Variants in FDFT1 observed in about 807,000 individuals in gnomAD.
FDFT1 encodes the protein squalene synthase.
A neutral mutation model predicts 46.8 loss-of-function variants in FDFT1; 68 were observed. The observed-to-expected ratio is 1.45, with a 90% confidence interval of 1.19 to 1.78. The LOEUF (loss-of-function observed/expected upper bound fraction) is 1.78, where lower values mean the gene tolerates loss of function less well. FDFT1 is among the 40% of genes most tolerant of loss of function. The pLI is 0.00. For synonymous variants in FDFT1, 351 were observed against 185.1 expected (o/e 1.90, Z -7.28); for missense variants, 928 against 524.4 (o/e 1.77, Z -7.52).
upstream of FDFT1, among the ~76,000 whole-genome samples, chr8:11,799,183 C>T (rs978213437): frequency 2.4e-4 from 36 of 152,188 alleles, 1 homozygote; most frequent in African/African-American, 2.7e-4. Context: ...GACAGGAAGG[C>T]GCCTTGAGTG....
intron 6 of FDFT1, among the ~76,000 whole-genome samples, chr8:11,831,088 C>T (rs1448999750): frequency 1.3e-5 from 2 of 152,092 alleles, no homozygotes; most frequent in Non-Finnish European, 2.9e-5. Context: ...GTTGTTCTCC[C>T]CCTGGCATTG....
intron 1 of FDFT1, 56 bp from the exon 2 acceptor site, chr8:11,808,721 CTCCCACTCCCACTCCCA>C: frequency 6.8e-7 from 1 of 1,464,170 alleles, no homozygotes; most frequent in African/African-American, 1.6e-5. Flanking sequence ...CCCACTCCCA[CTCCCACTCCCACTCCCA>C]CTCCCACTCC....
intron 1 of FDFT1, among the ~76,000 whole-genome samples, chr8:11,796,948 A>G (rs1297838922): frequency 6.6e-6 from 1 of 152,262 alleles, no homozygotes; most frequent in Non-Finnish European, 1.5e-5. Flanking sequence ...TGCTGAAAGC[A>G]GCTCAGGGCA....
At chr8:11,825,912 G>C in intron 4 of FDFT1, 112 bp from the exon 5 acceptor site, 1 of 556,238 alleles carries the variant, frequency 1.8e-6, no homozygotes, top group Non-Finnish European at 3.0e-6. Flanking sequence ...AAATCAAAAT[G>C]CATTCTTACC....
At chr8:11,833,380 T>TTA (rs1554528781) in intron 7 of FDFT1, among the ~76,000 whole-genome samples, 3 of 152,246 alleles carry the variant, frequency 2.0e-5, no homozygotes, top group Non-Finnish European at 4.4e-5. Flanking sequence ...TCAACTACCC[T>TTA]TTCTAAATGG....
At chr8:11,830,638 C>A (rs1051511506) in intron 6 of FDFT1, among the ~76,000 whole-genome samples, 1 of 152,180 alleles carries the variant, frequency 6.6e-6, no homozygotes. Flanking sequence ...AACCTTCTTT[C>A]TGGATTTACT....
intron 6 of FDFT1, among the ~76,000 whole-genome samples, chr8:11,831,120 T>C (rs1810719223): frequency 6.6e-6 from 1 of 152,236 alleles, no homozygotes; most frequent in South Asian, 2.1e-4. Context: ...ATAATGATTA[T>C]GTTTGTTGTA....
chr8:11,824,806 G>A (rs888590117), intron 4 of FDFT1, among the ~76,000 whole-genome samples: 3 of 152,064 alleles, frequency 2.0e-5, no homozygotes, highest in Non-Finnish European at 4.4e-5. Flanking sequence ...CGCGATCTCG[G>A]CTCCCTGCAA....
rs1563301260 is a variant in FDFT1, at chr8:11,808,749, T to TCCCACTCCC, written c.100-45_100-44insCCCACTCCC. ...CCACTCCCACTCCCACTCCCACTCCTGCTCCTCGACGTCTCCCACCGCCGT... is the reference window on the plus strand; with the variant it reads ...CCACTCCCACTCCCACTCCCACTCCTCCCACTCCCGCTCCTCGACGTCTCCCACCGCCGT... On this transcript the variant is annotated intron_variant, in intron 1 of 7. Coordinates refer to ENST00000220584, the MANE Select transcript of FDFT1 (RefSeq NM_004462.5). 54 of 1,552,858 alleles carry TCCCACTCCC rather than the reference T, an allele frequency of 3.5e-5. No individual in the cohort carries two copies. The East Asian group carries it at 7.1e-4, about 20-fold the overall frequency.
At chr8:11,820,433 T>A (rs933584083) in intron 3 of FDFT1, among the ~76,000 whole-genome samples, 1 of 152,182 alleles carries the variant, frequency 6.6e-6, no homozygotes, top group African/African-American at 2.4e-5. Flanking sequence ...TGCCTTTTGT[T>A]TAGATATGCC....
In FDFT1 at chr8:11,828,717, G is replaced by T. The variant is rs150486715; in HGVS notation, c.703-1527G>T. 1.2e-3 allele frequency among the ~76,000 whole-genome samples: 182 copies of T among 152,382 alleles called. 1 individual carries two copies. Among genetic ancestry groups the T allele is most frequent in the African/African-American group, 3.5e-3 (146 of 41,602 alleles). ...AAATGAGATGAACTTCTAGCATAGA[G>T]TGCTTAGTAAAGGTTCTGGACATTT... On this transcript the variant is annotated intron_variant, in intron 5 of 7. Transcript: ENST00000220584.
intron 3 of FDFT1, among the ~76,000 whole-genome samples, chr8:11,810,335 A>G (rs950485273): frequency 6.6e-6 from 1 of 152,116 alleles, no homozygotes; most frequent in African/African-American, 2.4e-5. Flanking sequence ...CCTCTTGACT[A>G]CCCGGAGCCT....
At chr8:11,803,386 G>A (rs762403017) in intron 1 of FDFT1, 32 of 1,289,558 alleles carry the variant, frequency 2.5e-5, no homozygotes, top group African/African-American at 4.6e-5. Context: ...CACCTCTTCC[G>A]GAGCTCTCCC....
At chr8:11,796,875 T>A (rs2088346) in intron 1 of FDFT1, among the ~76,000 whole-genome samples, 1 of 152,094 alleles carries the variant, frequency 6.6e-6, no homozygotes, top group Non-Finnish European at 1.5e-5. Flanking sequence ...ACAACTTCAT[T>A]AAAGAGGCAG....
chr8:11,816,678 T>C (rs1808497334), intron 3 of FDFT1, among the ~76,000 whole-genome samples: 1 of 152,210 alleles, frequency 6.6e-6, no homozygotes, highest in Admixed American at 6.5e-5. Context: ...TTGTCTGTTA[T>C]TGGTGTATAG....
At chr8:11,808,008 C>CG (rs1807083188) in intron 1 of FDFT1, 1 of 152,844 alleles carries the variant, frequency 6.5e-6, no homozygotes, top group East Asian at 1.9e-4. Flanking sequence ...CAGGGGTGTG[C>CG]ATTCTTGCTG....
rs560299920 is a variant in FDFT1, at chr8:11,828,304, C to T, written c.703-1940C>T. ...AAACCCTTGTCTCAAAACAAACAAA[C>T]AACAACAAAAAAACAAAAAACACTT... is the stretch of plus-strand genomic sequence containing the variant. On this transcript the variant is annotated intron_variant, in intron 5 of 7. Coordinates refer to ENST00000220584, the MANE Select transcript of FDFT1 (RefSeq NM_004462.5). 2.0e-4 allele frequency among the ~76,000 whole-genome samples: 31 copies of T among 151,508 alleles called. No individual in the cohort carries two copies. In the East Asian group the frequency reaches 3.3e-3, roughly 16 times the overall value.
At chr8:11,827,896 AAAAC>A (rs778334819) in intron 5 of FDFT1, among the ~76,000 whole-genome samples, 2,248 of 136,482 alleles carry the variant, frequency 0.016, 53 homozygotes, top group African/African-American at 0.053. Flanking sequence ...AAAACAAAAC[AAAAC>A]AAAAAAAACA....
At chr8:11,804,933 G>GT (rs1242503534) in intron 1 of FDFT1, among the ~76,000 whole-genome samples, 3 of 145,552 alleles carry the variant, frequency 2.1e-5, no homozygotes, top group Admixed American at 6.8e-5. Context: ...TTTGAGGGGG[G>GT]GGTCTCACTC....
Sources: allele counts gnomAD v4.1 joint callset (sites outside exome capture counted in the v4.1 genomes callset), GRCh38; gene constraint gnomAD v4.1.1; transcripts MANE v1.5; gene names NCBI Gene and HGNC (gene_info 2026-07-23, HGNC 2026-07-21).